The following CCDC93 variants were observed in gnomAD, a reference collection of about 807,000 sequenced individuals.
The protein encoded by CCDC93 is coiled-coil domain-containing protein 93.
CCDC93 carries 61 observed loss-of-function variants against 108.2 expected under a neutral mutation model. The ratio of observed to expected loss-of-function variants is 0.56; its 90% CI spans 0.46 to 0.70. CCDC93 has a LOEUF of 0.70. Among genes scored for constraint, CCDC93 ranks in the 30% least tolerant of loss-of-function variants. The pLI, the probability that CCDC93 is intolerant of heterozygous loss-of-function variation, is 0.00. For missense variants in CCDC93, 685 were observed against 764.2 expected (o/e 0.90, Z 1.22); for synonymous variants, 276 against 260.4 (o/e 1.06, Z -0.58).
chr2:117,994,053 T>C (rs1019686407), intron 6 of CCDC93, among the ~76,000 whole-genome samples: 14 of 152,152 alleles, frequency 9.2e-5, no homozygotes, highest in Admixed American at 3.3e-4. Context: ...TTTAACAGCA[T>C]ACAAAAGCCC....
intron 6 of CCDC93, among the ~76,000 whole-genome samples, chr2:117,991,692 C>T (rs1284357793): frequency 1.3e-5 from 2 of 152,206 alleles, no homozygotes; most frequent in African/African-American, 4.8e-5. Context: ...AATAAATACA[C>T]AGCAGCTCCA....
chr2:117,958,214 ATG>A, intron 12 of CCDC93, 149 bp downstream of exon 12: 1 of 590,266 alleles, frequency 1.7e-6, no homozygotes, highest in Non-Finnish European at 3.0e-6. Flanking sequence ...AAACAAATGG[ATG>A]TGTTATGTTG....
intron 18 of CCDC93, among the ~76,000 whole-genome samples, chr2:117,943,354 G>A (rs75286315): frequency 0.011 from 1,647 of 152,276 alleles, 11 homozygotes; most frequent in Middle Eastern, 0.024. Context: ...GTACTGTCCC[G>A]ATTTTATTTA....
At chr2:117,921,096 G>A (rs944079354) in intron 23 of CCDC93, among the ~76,000 whole-genome samples, 10 of 149,010 alleles carry the variant, frequency 6.7e-5, no homozygotes, top group South Asian at 4.2e-4. Flanking sequence ...ACAATGGCAT[G>A]AACCCAGGAG....
chr2:117,958,819 A>G (rs1679300625), intron 11 of CCDC93, among the ~76,000 whole-genome samples: 1 of 152,206 alleles, frequency 6.6e-6, no homozygotes, highest in African/African-American at 2.4e-5. Context: ...TCTTCATAAG[A>G]CCATTCTGGA....
chr2:117,986,457 C>T (rs1023549925), intron 6 of CCDC93, among the ~76,000 whole-genome samples: 6 of 152,056 alleles, frequency 3.9e-5, no homozygotes, highest in Admixed American at 2.6e-4. Context: ...CTCAGGTCTC[C>T]GGGTGCAGGT....
At chr2:117,939,169 G>T in intron 19 of CCDC93, 58 bp from the exon 20 acceptor site, 1 of 1,027,390 alleles carries the variant, frequency 9.7e-7, no homozygotes, top group Non-Finnish European at 1.5e-6. Context: ...CACCCTACCT[G>T]CCCCTCTCCT....
At position 117,996,388 on chromosome 2, in the gene CCDC93, A is replaced by T. The variant is rs762475618; in HGVS notation, c.364-26T>A. The T allele has an allele frequency of 5.2e-6, 8 of 1,538,702 alleles. No individual in the cohort carries two copies. In the Admixed American group the frequency reaches 1.2e-4, roughly 22 times the overall value. ...CTGGGGAAGAAAGTGAAAAGACAAG[A>T]GTTGCTAAGGACAACATCCCACTGA... On this transcript the variant is annotated intron_variant, in intron 4 of 23. Coordinates refer to ENST00000376300, the MANE Select transcript of CCDC93 (RefSeq NM_019044.5).
intron 22 of CCDC93, 29 bp from the exon 23 acceptor site, chr2:117,931,179 G>C (rs200427073): frequency 6.7e-7 from 1 of 1,493,892 alleles, no homozygotes; most frequent in Non-Finnish European, 9.3e-7. Flanking sequence ...AAATGGTGAT[G>C]AAAAGACATG....
chr2:117,985,672 C>T (rs925887423), intron 7 of CCDC93, among the ~76,000 whole-genome samples: 1 of 152,008 alleles, frequency 6.6e-6, no homozygotes, highest in African/African-American at 2.4e-5. Context: ...TTTCATTTAC[C>T]TGAAGATTTT....
chr2:117,940,482 G>A (rs1558773708), intron 19 of CCDC93, among the ~76,000 whole-genome samples: 1 of 152,222 alleles, frequency 6.6e-6, no homozygotes, highest in African/African-American at 2.4e-5. Flanking sequence ...GGGGCCTCCA[G>A]GCAGGCCACT....
rs537915255 is a variant in CCDC93, at chr2:117,977,130, G to A, written c.657+864C>T. 1.1e-3 allele frequency among the ~76,000 whole-genome samples: 171 copies of A among 152,012 alleles called. 1 individual carries two copies. Among genetic ancestry groups the A allele is most frequent in the African/African-American group, 3.9e-3 (162 of 41,434 alleles). ...TTTTTTTGTATTTTTAGTAGAGACG[G>A]GGTTTCACCGTGTTAGCCAGGACGG... is the stretch of plus-strand genomic sequence containing the variant. On this transcript the variant is annotated intron_variant, in intron 8 of 23. Transcript: ENST00000376300.
intron 1 of CCDC93, among the ~76,000 whole-genome samples, chr2:118,011,544 T>C (rs891529023): frequency 6.6e-6 from 1 of 152,210 alleles, no homozygotes; most frequent in Non-Finnish European, 1.5e-5. Context: ...AAAGAGTAGT[T>C]GTAGTTCAAG....
At chr2:117,924,234 A>C (rs10176008) in intron 23 of CCDC93, among the ~76,000 whole-genome samples, 43,453 of 152,148 alleles carry the variant, frequency 0.29, 6,686 homozygotes, top group African/African-American at 0.38. Flanking sequence ...CTCCTCCTCC[A>C]AAGGAACGCA....
At chr2:118,001,118 T>C in intron 3 of CCDC93, 186 bp from the exon 4 acceptor site, 1 of 507,746 alleles carries the variant, frequency 2.0e-6, no homozygotes, top group East Asian at 3.1e-5. Context: ...GGTGTGTAGG[T>C]GTGTGGTCAC....
Position 117,949,415 on chromosome 2 carries a change from C to T in CCDC93, c.1069-20G>A. The T allele has an allele frequency of 6.3e-7, 1 of 1,584,510 alleles. No individual in the cohort carries two copies. Among genetic ancestry groups the T allele is most frequent in the Non-Finnish European group, 8.7e-7 (1 of 1,153,584 alleles). On this transcript the variant is annotated intron_variant, in intron 13 of 23. Coordinates refer to ENST00000376300, the MANE Select transcript of CCDC93 (RefSeq NM_019044.5). ...CTTCAGCTGCAAGAGAGAATGAAGA[C>T]ATGGTTGCTGGAGCCTTGGTAGCAG...
At chr2:117,995,659 G>C in intron 5 of CCDC93, 157 bp from the exon 6 acceptor site, 1 of 629,176 alleles carries the variant, frequency 1.6e-6, no homozygotes, top group Non-Finnish European at 2.8e-6. Flanking sequence ...TTCTCCATGG[G>C]AAAAGGCTAC....
At chr2:117,940,373 AG>A (rs539852683) in intron 19 of CCDC93, among the ~76,000 whole-genome samples, 14 of 152,338 alleles carry the variant, frequency 9.2e-5, no homozygotes, top group African/African-American at 2.6e-4. Context: ...TCCAGGCACC[AG>A]GAACAGGAGG....
chr2:117,915,699 G>C lies in CCDC93; in HGVS notation c.*4644C>G, dbSNP rs571850215. On this transcript the variant is annotated 3_prime_UTR_variant, in exon 24 of 24. Coordinates refer to ENST00000376300, the MANE Select transcript of CCDC93 (RefSeq NM_019044.5). Reference sequence around the variant, plus strand: ...CAGAGGCAATTCAGGCTGCCGGGCTGCTAGATATCCTCCCAGAGACATCCT... The same window carrying C: ...CAGAGGCAATTCAGGCTGCCGGGCTCCTAGATATCCTCCCAGAGACATCCT... 6 of 152,300 alleles carry C rather than the reference G, an allele frequency of 3.9e-5. No individual in the cohort carries two copies. In the South Asian group the frequency reaches 1.2e-3, roughly 32 times the overall value. The allele number at this position is 152,300 out of a possible 1,614,324, so 9.4% of individuals were successfully genotyped here. A position where few individuals can be genotyped will look rare whatever the true frequency, so the allele number is the denominator to read the frequency against.
Sources: gnomAD v4.1 joint callset for allele counts (sites outside exome capture counted in the v4.1 genomes callset) on GRCh38, gnomAD v4.1.1 for gene constraint, MANE v1.5 for transcripts, NCBI Gene and HGNC (gene_info 2026-07-23, HGNC 2026-07-21) for gene names.